CFAP161: variants seen among roughly 807,000 people sequenced by gnomAD.
CFAP161 encodes the protein cilia- and flagella-associated protein 161.
Under a neutral mutation model 29.0 loss-of-function variants are expected in CFAP161, and 25 were observed. That is an observed-to-expected ratio of 0.86 (90% confidence interval 0.63 to 1.20). The LOEUF (loss-of-function observed/expected upper bound fraction) is 1.20. Ranked by LOEUF, CFAP161 falls within the 50% of genes most tolerant of loss-of-function variation. The pLI, the probability that CFAP161 is intolerant of heterozygous loss-of-function variation, is 0.00. For missense variants in CFAP161, 367 were observed against 371.9 expected, an observed-to-expected ratio of 0.99 and a Z score of 0.11; for synonymous variants, 116 against 137.4, an observed-to-expected ratio of 0.84 and a Z score of 1.09.
chr15:81,124,885 CAT>C (rs1285562324), intron 1 of CFAP161, among the ~76,000 whole-genome samples: 1 of 151,890 alleles, frequency 6.6e-6, no homozygotes, highest in Admixed American at 6.6e-5. Context: ...TTGTGCATAA[CAT>C]AATTTTTAAT....
chr15:81,114,767 C>T (rs1894476549), intron 1 of CFAP161, among the ~76,000 whole-genome samples: 1 of 152,042 alleles, frequency 6.6e-6, no homozygotes. Flanking sequence ...GGGTTCACGT[C>T]ATTCTCCTGC....
chr15:81,135,550 G>A (rs1404503346), intron 2 of CFAP161, among the ~76,000 whole-genome samples, 191 bp downstream of exon 2: 1 of 126,900 alleles, frequency 7.9e-6, no homozygotes, highest in African/African-American at 3.1e-5. Context: ...AGTGTGCGAT[G>A]TTCCCCTTCC....
chr15:81,135,336 C>T lies in CFAP161; in HGVS notation c.136C>T (p.Leu46=), dbSNP rs774272376. The part of the protein sequence containing the change: ...GKLLIQRSRR[L]KQNLLRPMQL... ...ACTTCTCATACAGAGAAGTAGAAGA[C>T]TAAAACAGAATCTCTTGAGACCGGT... Residue 46 remains leucine (L), a synonymous_variant, in exon 2 of 7, where the codon CTA becomes TTA. Transcript: ENST00000286732. 2.0e-5 allele frequency: 32 copies of T among 1,593,144 alleles called. 1 individual carries two copies. In the South Asian group the frequency reaches 3.6e-4, roughly 18 times the overall value.
At chr15:81,107,040 T>G (rs2141861234) in intron 1 of CFAP161, among the ~76,000 whole-genome samples, 1 of 152,300 alleles carries the variant, frequency 6.6e-6, no homozygotes, top group Non-Finnish European at 1.5e-5. Flanking sequence ...CACTCCAGCC[T>G]AAATACAGCA....
chr15:81,117,985 T>C, intron 1 of CFAP161: 1 of 483,278 alleles, frequency 2.1e-6, no homozygotes, highest in South Asian at 2.1e-5. Flanking sequence ...AGGCAGGAGC[T>C]TGAAGACACT....
intron 4 of CFAP161, among the ~76,000 whole-genome samples, chr15:81,142,848 G>C (rs1338932778): frequency 6.6e-6 from 1 of 152,166 alleles, no homozygotes; most frequent in Non-Finnish European, 1.5e-5. Flanking sequence ...TTCCTGGCAA[G>C]GTTACAGGCA....
intron 1 of CFAP161, among the ~76,000 whole-genome samples, chr15:81,124,567 G>C (rs1894616797): frequency 6.6e-6 from 1 of 152,100 alleles, no homozygotes; most frequent in African/African-American, 2.4e-5. Flanking sequence ...TAATTTTTTG[G>C]AATAGTTTCC....
chr15:81,121,716 TAA>T (rs1427087881), intron 1 of CFAP161, among the ~76,000 whole-genome samples: 2 of 152,236 alleles, frequency 1.3e-5, no homozygotes, highest in African/African-American at 4.8e-5. Flanking sequence ...ATATTTTTTT[TAA>T]CTTTTAAGTT....
chr15:81,113,881 C>T (rs1894465722), intron 1 of CFAP161, among the ~76,000 whole-genome samples: 1 of 152,172 alleles, frequency 6.6e-6, no homozygotes, highest in Non-Finnish European at 1.5e-5. Context: ...AGTCCCATCA[C>T]GAGGCTATCT....
intron 2 of CFAP161, 24 bp downstream of exon 2, chr15:81,135,383 A>C (rs1353117773): frequency 1.0e-5 from 15 of 1,489,794 alleles, no homozygotes; most frequent in Non-Finnish European, 1.4e-5. Flanking sequence ...TTTTTATTAC[A>C]CTTTAAGTTT....
Position 81,136,550 on chromosome 15 carries a change from A to C in CFAP161, c.194A>C (p.His65Pro), listed in dbSNP as rs747849720. 3 of 1,614,130 alleles carry C rather than the reference A, an allele frequency of 1.9e-6. No individual in the cohort carries two copies. Among genetic ancestry groups the C allele is most frequent in the Non-Finnish European group, 2.5e-6 (3 of 1,180,050 alleles). Residue 65 changes from histidine to proline, a missense_variant, in exon 3 of 7, where the codon CAT (histidine) becomes CCT (proline). Transcript: ENST00000286732. Reference protein sequence around the residue: ...QLSVTEDGYIHYGDKVMLVNP... With the variant: ...QLSVTEDGYIPYGDKVMLVNP... Reference sequence around the variant, plus strand: ...TCCGTAACTGAAGATGGCTATATTCATTACGGTGACAAAGTGATGCTTGTG... The same window carrying C: ...TCCGTAACTGAAGATGGCTATATTCCTTACGGTGACAAAGTGATGCTTGTG...
chr15:81,147,028 C>G (rs556811762), intron 5 of CFAP161, among the ~76,000 whole-genome samples: 1 of 151,354 alleles, frequency 6.6e-6, no homozygotes, highest in Non-Finnish European at 1.5e-5. Context: ...AAGGACAGAA[C>G]TAAAAAGTCA....
rs1266355142 is a variant in CFAP161 at position 81,135,269 on chromosome 15, G to A, written c.70-1G>A. The A allele has an allele frequency of 6.3e-7, 1 of 1,581,724 alleles. No homozygotes were observed. Among genetic ancestry groups the A allele is most frequent in the Non-Finnish European group, 8.6e-7 (1 of 1,166,380 alleles). ...GCTACTTTTGTTGATTTTCTGTTTA[G>A]GAGCTCATGAAAGACTTCTTAGAGA... On this transcript the variant is annotated splice_acceptor_variant, in intron 1 of 6. Coordinates refer to ENST00000286732, the MANE Select transcript of CFAP161 (RefSeq NM_173528.4). LOFTEE classifies it high-confidence loss of function.
At chr15:81,116,651 C>G (rs1894502487) in intron 1 of CFAP161, among the ~76,000 whole-genome samples, 2 of 152,144 alleles carry the variant, frequency 1.3e-5, no homozygotes, top group African/African-American at 4.8e-5. Context: ...AAAACATCAA[C>G]TTTTTCCCCT....
chr15:81,100,490 T>C (rs1894290460), intron 1 of CFAP161, among the ~76,000 whole-genome samples: 1 of 152,058 alleles, frequency 6.6e-6, no homozygotes, highest in Admixed American at 6.6e-5. Context: ...TTGCAAACTT[T>C]CCCCCTCAGA....
chr15:81,110,740 G>A lies in CFAP161; in HGVS notation c.-141-16850G>A, dbSNP rs192586953. On this transcript the variant is annotated intron_variant, in intron 1 of 4. Transcript: ENST00000560091. ...ACCCAAGTGGTCAGCTTCGGTGGAA[G>A]GGGACTGGAGACTGACCACCAGATG... is the stretch of plus-strand genomic sequence containing the variant. Among the ~76,000 whole-genome samples, 233 of 152,314 alleles carry A rather than the reference G, an allele frequency of 1.5e-3. 1 individual carries two copies. Among genetic ancestry groups the A allele is most frequent in the African/African-American group, 5.1e-3 (210 of 41,556 alleles).
At chr15:81,145,633 C>T (rs1218272146) in intron 5 of CFAP161, among the ~76,000 whole-genome samples, 1 of 152,130 alleles carries the variant, frequency 6.6e-6, no homozygotes, top group Non-Finnish European at 1.5e-5. Flanking sequence ...TCTCCCCAGG[C>T]CTCACTGAGA....
intron 5 of CFAP161, among the ~76,000 whole-genome samples, chr15:81,144,147 C>A (rs923602163): frequency 2.0e-5 from 3 of 152,232 alleles, no homozygotes; most frequent in African/African-American, 7.2e-5. Flanking sequence ...TTTCTCACCT[C>A]TGGCTGCACG....
At chr15:81,137,750 C>T (rs1216375526) in intron 3 of CFAP161, among the ~76,000 whole-genome samples, 2 of 152,208 alleles carry the variant, frequency 1.3e-5, no homozygotes, top group African/African-American at 4.8e-5. Flanking sequence ...TGTCAATGCA[C>T]TTGACCAGAA....
Sources: gnomAD v4.1 joint callset for allele counts (sites outside exome capture counted in the v4.1 genomes callset) on GRCh38, gnomAD v4.1.1 for gene constraint, MANE v1.5 for transcripts, NCBI Gene and HGNC (gene_info 2026-07-23, HGNC 2026-07-21) for gene names.